Variants in RUNX1T1 observed in about 807,000 individuals in gnomAD.
The protein encoded by RUNX1T1 is RUNX1 partner transcriptional co-repressor 1, also known as protein CBFA2T1.
In RUNX1T1, 4 loss-of-function variants were observed where a neutral mutation model predicts 62.8. That is an observed-to-expected ratio of 0.06 (90% CI 0.03 to 0.15). The LOEUF (loss-of-function observed/expected upper bound fraction) is 0.15, where lower values mean the gene tolerates loss of function less well. Among genes scored for constraint, RUNX1T1 ranks in the 10% least tolerant of loss-of-function variants. The probability of loss-of-function intolerance (pLI) is 1.00; values close to 1 mark genes in which losing one functional copy is unlikely to be tolerated. For missense variants in RUNX1T1, 508 were observed against 754.3 expected, an observed-to-expected ratio of 0.67 and a Z score of 3.82; for synonymous variants, 291 against 286.0, an observed-to-expected ratio of 1.02 and a Z score of -0.18.
intron 4 of RUNX1T1, chr8:92,009,714 T>C (rs1050592814): frequency 1.3e-5 from 2 of 152,016 alleles, no homozygotes; most frequent in Non-Finnish European, 2.9e-5. Context: ...AAGATTCTAG[T>C]CTCAACAAAC....
chr8:91,987,988 C>T (rs1037813543), intron 6 of RUNX1T1, among the ~76,000 whole-genome samples: 19 of 151,962 alleles, frequency 1.3e-4, no homozygotes, highest in Admixed American at 9.8e-4. Flanking sequence ...GGCTTCCTCT[C>T]GTGGAACTTA....
At chr8:92,046,918 A>C (rs1346127577) in intron 1 of RUNX1T1, among the ~76,000 whole-genome samples, 1 of 152,214 alleles carries the variant, frequency 6.6e-6, no homozygotes, top group East Asian at 1.9e-4. Context: ...GGCATGGAAT[A>C]ATAAATGACG....
At chr8:92,069,030 T>C (rs1375973007) in intron 2 of RUNX1T1, among the ~76,000 whole-genome samples, 1 of 152,196 alleles carries the variant, frequency 6.6e-6, no homozygotes, top group Non-Finnish European at 1.5e-5. Context: ...ATTCCAGATA[T>C]CTTTAAATAA....
At chr8:92,052,236 A>C (rs1392851274) in intron 1 of RUNX1T1, among the ~76,000 whole-genome samples, 1 of 152,214 alleles carries the variant, frequency 6.6e-6, no homozygotes, top group Non-Finnish European at 1.5e-5. Flanking sequence ...CAAACTTCCA[A>C]GACTAACTGA....
chr8:91,990,102 CCT>C (rs1817354854), intron 6 of RUNX1T1, among the ~76,000 whole-genome samples: 2 of 152,064 alleles, frequency 1.3e-5, no homozygotes, highest in African/African-American at 4.8e-5. Context: ...ACGTGGAGCC[CCT>C]GTTTGCTAGC....
intron 1 of RUNX1T1, among the ~76,000 whole-genome samples, chr8:92,037,421 T>C (rs1423494480): frequency 2.6e-5 from 4 of 152,202 alleles, no homozygotes; most frequent in African/African-American, 4.8e-5. Context: ...CTCATGCCTG[T>C]AATCCCAGCA....
At chr8:92,097,036 T>A (rs776502711) in intron 1 of RUNX1T1, among the ~76,000 whole-genome samples, 2 of 151,630 alleles carry the variant, frequency 1.3e-5, no homozygotes, top group African/African-American at 2.4e-5. Flanking sequence ...TTAAAAGAAA[T>A]TTGATAGGTA....
At chr8:92,062,964 C>T (rs117683104), upstream of RUNX1T1, 9,724 of 1,243,044 alleles carry the variant, frequency 7.8e-3, 51 homozygotes, top group Non-Finnish European at 9.2e-3. Context: ...AATTTATTCA[C>T]CACCACCCCC....
exon 1 of RUNX1T1, chr8:92,062,889 T>C (rs1189677570): frequency 1.5e-6 from 2 of 1,345,000 alleles, no homozygotes; most frequent in Non-Finnish European, 9.6e-7. Flanking sequence ...TCCACCTCTC[T>C]CTGCAAGTTT....
chr8:92,037,419 T>TG (rs1247134123), intron 1 of RUNX1T1, among the ~76,000 whole-genome samples: 2 of 152,200 alleles, frequency 1.3e-5, no homozygotes, highest in Non-Finnish European at 2.9e-5. Flanking sequence ...GACTCATGCC[T>TG]GTAATCCCAG....
chr8:92,015,306 T>G (rs1487101056), intron 2 of RUNX1T1, among the ~76,000 whole-genome samples: 5 of 152,232 alleles, frequency 3.3e-5, no homozygotes, highest in African/African-American at 1.2e-4. Context: ...TTTATAGGAA[T>G]AGGACTTTCA....
intron 1 of RUNX1T1, among the ~76,000 whole-genome samples, chr8:92,038,786 A>G (rs1390388646): frequency 3.3e-5 from 5 of 151,276 alleles, no homozygotes; most frequent in Non-Finnish European, 1.5e-5. Context: ...TGCCCTCGAA[A>G]CTCCTCTGTA....
At chr8:91,960,239 C>T (rs1024432302) in exon 11 of RUNX1T1, 6 of 1,606,524 alleles carry the variant, frequency 3.7e-6, no homozygotes, top group African/African-American at 2.7e-5. Context: ...TCTGAGTTCA[C>T]GTCTAGCGAG....
At chr8:92,015,133 AACAG>A (rs1822743056) in intron 2 of RUNX1T1, among the ~76,000 whole-genome samples, 1 of 152,172 alleles carries the variant, frequency 6.6e-6, no homozygotes, top group Non-Finnish European at 1.5e-5. Flanking sequence ...TCAAAAATAG[AACAG>A]ACAGCTTCGG....
chr8:92,085,382 T>C (rs891041835), intron 1 of RUNX1T1, among the ~76,000 whole-genome samples: 1 of 152,238 alleles, frequency 6.6e-6, no homozygotes. Flanking sequence ...TTGTATATAC[T>C]TGCACAAGTA....
At chr8:92,019,590 C>T (rs1587048996) in intron 1 of RUNX1T1, among the ~76,000 whole-genome samples, 1 of 152,038 alleles carries the variant, frequency 6.6e-6, no homozygotes, top group African/African-American at 2.4e-5. Flanking sequence ...TGCACAGCCC[C>T]CTACCTGACT....
chr8:92,015,281 C>A (rs144512114), intron 2 of RUNX1T1, among the ~76,000 whole-genome samples: 2 of 152,340 alleles, frequency 1.3e-5, no homozygotes, highest in African/African-American at 4.8e-5. Flanking sequence ...TTTGTACACA[C>A]AACTGACAGC....
At position 92,041,597 on chromosome 8, in the gene RUNX1T1, C is replaced by A. The variant is rs376981466; in HGVS notation, c.7+20949G>T. Among the ~76,000 whole-genome samples the A allele has an allele frequency of 1.2e-4, 18 of 152,128 alleles. No individual in the cohort carries two copies. In the East Asian group the frequency reaches 3.5e-3, roughly 30 times the overall value. Reference sequence around the variant, plus strand: ...CCCTACTAAAAATGCAAAAAATTAGCTGGGCGTGGTGGCATGCGCCTGTAA... The same window carrying A: ...CCCTACTAAAAATGCAAAAAATTAGATGGGCGTGGTGGCATGCGCCTGTAA... On this transcript the variant is annotated intron_variant, in intron 1 of 10. Transcript: ENST00000396218.
In RUNX1T1 at chr8:92,072,783, A is replaced by G. The variant is rs1028814049; in HGVS notation, c.88+3182T>C. ...CAAACATGACCAAGAAAAACTAAAA[A>G]TAAGAGCAGATACTCTCTAAAAGCA... On this transcript the variant is annotated intron_variant, in intron 2 of 11. Coordinates refer to the RUNX1T1 transcript ENST00000265814. Among the ~76,000 whole-genome samples the G allele has an allele frequency of 3.9e-5, 6 of 152,360 alleles. No homozygotes were observed. The East Asian group carries it at 7.7e-4, about 20-fold the overall frequency.
Sources: gnomAD v4.1 joint callset for allele counts (sites outside exome capture counted in the v4.1 genomes callset) on GRCh38, gnomAD v4.1.1 for gene constraint, MANE v1.5 for transcripts, NCBI Gene and HGNC (gene_info 2026-07-23, HGNC 2026-07-21) for gene names.